The following SPG21 variants were observed in gnomAD, a reference collection of about 807,000 sequenced individuals.
SPG21 encodes the protein maspardin.
A neutral mutation model predicts 38.9 loss-of-function variants in SPG21; 26 were observed. The observed-to-expected ratio is 0.67, with a 90% CI of 0.49 to 0.93. The LOEUF is 0.93. SPG21 is among the 40% of genes least tolerant of loss of function. SPG21 has a pLI of 0.00. For synonymous variants in SPG21, 136 were observed against 128.9 expected (o/e 1.05, Z -0.37); for missense variants, 333 against 376.5 (o/e 0.88, Z 0.96).
chr15:64,980,359 C>G (rs1306469141), intron 3 of SPG21, among the ~76,000 whole-genome samples: 1 of 152,204 alleles, frequency 6.6e-6, no homozygotes, highest in Non-Finnish European at 1.5e-5. Flanking sequence ...CTCTGAATCT[C>G]TGTGTGACCG....
At chr15:64,978,869 T>A (rs575146147) in intron 3 of SPG21, among the ~76,000 whole-genome samples, 1 of 152,312 alleles carries the variant, frequency 6.6e-6, no homozygotes, top group Non-Finnish European at 1.5e-5. Flanking sequence ...AATATCAATA[T>A]CCTGGTTGTG....
chr15:64,973,780 C>T (rs994228786), intron 5 of SPG21, among the ~76,000 whole-genome samples: 1 of 152,158 alleles, frequency 6.6e-6, no homozygotes, highest in African/African-American at 2.4e-5. Context: ...TTTGGAAGAA[C>T]AGACTAATAT....
At chr15:64,975,297 AAAAAAAAGAAAAG>A (rs1165476020) in intron 4 of SPG21, among the ~76,000 whole-genome samples, 1 of 150,876 alleles carries the variant, frequency 6.6e-6, no homozygotes, top group Non-Finnish European at 1.5e-5. Context: ...TAAAAAAAAA[AAAAAAAAGAAAAG>A]AAAAAAAGAA....
In SPG21 at chr15:64,974,694, T is replaced by C. The variant is rs746913301; in HGVS notation, c.360A>G (p.Glu120=). ...GGACTCTAGGAGATTTGTGAGTGTA[T>C]TCAGCAAATTTCTGGGCCAAAAAGC... ...LGGFLAQKFA[E]YTHKSPRVHS... Residue 120 remains glutamate (E), a synonymous_variant, in exon 5 of 9, where the codon GAA becomes GAG. Transcript: ENST00000204566. 1.4e-5 allele frequency: 23 copies of C among 1,614,090 alleles called. No homozygotes were observed. The East Asian group carries it at 1.6e-4, about 11-fold the overall frequency.
Position 64,981,037 on chromosome 15 carries a change from GT to G in SPG21, c.64-13del. On this transcript the variant is annotated splice_polypyrimidine_tract_variant and intron_variant, in intron 2 of 8. Transcript: ENST00000204566. ...TCATCCACAATAATCTGGAGGGAAGGTTAAAAGAAAAAAGTGGAAAACCTTA... is the reference window on the plus strand; with the variant it reads ...TCATCCACAATAATCTGGAGGGAAGGTAAAAGAAAAAAGTGGAAAACCTTA... 1.2e-6 allele frequency: 2 copies of G among 1,613,612 alleles called. No individual in the cohort carries two copies. Among genetic ancestry groups the G allele is most frequent in the South Asian group, 2.2e-5 (2 of 91,034 alleles).
At chr15:64,973,423 C>T (rs2085710723) in intron 5 of SPG21, among the ~76,000 whole-genome samples, 1 of 152,032 alleles carries the variant, frequency 6.6e-6, no homozygotes, top group Non-Finnish European at 1.5e-5. Flanking sequence ...CCACTGGCTG[C>T]ACCCAAAGCA....
In SPG21 at chr15:64,963,454, T is replaced by C; in HGVS notation, c.*166A>G. The C allele has an allele frequency of 1.5e-6, 1 of 655,130 alleles. No individual in the cohort carries two copies. Among genetic ancestry groups the C allele is most frequent in the Middle Eastern group, 4.3e-4 (1 of 2,302 alleles). 40.6% of individuals were successfully genotyped at this position (655,130 alleles called of 1,614,324 possible). A position where few individuals can be genotyped will look rare whatever the true frequency, so the allele number is the denominator to read the frequency against. On this transcript the variant is annotated 3_prime_UTR_variant, in exon 9 of 9. Coordinates refer to ENST00000204566, the MANE Select transcript of SPG21 (RefSeq NM_016630.7). ...AGAGGGAACAGTTACACAGGCTTAG[T>C]GGAGATGCCGCCTGTCATGAAGATG... is the stretch of plus-strand genomic sequence containing the variant.
Position 64,969,270 on chromosome 15 carries a change from A to C in SPG21, c.654T>G (p.Pro218=). The C allele has an allele frequency of 6.2e-7, 1 of 1,610,672 alleles. No homozygotes were observed. Among genetic ancestry groups the C allele is most frequent in the Non-Finnish European group, 8.5e-7 (1 of 1,176,832 alleles). The change falls in exon 7 of 9, where the codon CCT becomes CCG. Residue 218 remains proline, a synonymous_variant. Coordinates refer to ENST00000204566, the MANE Select transcript of SPG21 (RefSeq NM_016630.7). ...GGAAGCTTACATCCATAATAGTTACAGGTATGTCCCGAATTTTATGAGGTT... is the reference window on the plus strand; with the variant it reads ...GGAAGCTTACATCCATAATAGTTACCGGTATGTCCCGAATTTTATGAGGTT... ...YVEPHKIRDI[P]VTIMDVFDQS... is the part of the protein sequence containing the mutation.
chr15:64,970,243 A>G, intron 5 of SPG21, 21 bp from the exon 6 acceptor site: 1 of 1,584,066 alleles, frequency 6.3e-7, no homozygotes, highest in Non-Finnish European at 8.7e-7. Context: ...CAAAGACCTT[A>G]TAATTTAAAC....
rs764783715 is a variant in SPG21, at chr15:64,963,464, G to A, written c.*156C>T. 9.0e-6 allele frequency: 6 copies of A among 668,990 alleles called. No homozygotes were observed. The highest frequency in any genetic ancestry group is 1.7e-5 in the South Asian group (1 of 58,384). The allele number at this position is 668,990 out of a possible 1,614,324, so 41.4% of individuals were successfully genotyped here. On this transcript the variant is annotated 3_prime_UTR_variant, in exon 9 of 9. Transcript: ENST00000204566. The stretch of plus-strand genomic sequence containing the variant: ...GTTACACAGGCTTAGTGGAGATGCC[G>A]CCTGTCATGAAGATGACCATCAGTC...
Position 64,963,793 on chromosome 15 carries a change from G to C in SPG21, c.811-57C>G, listed in dbSNP as rs1400168168. 2.6e-6 allele frequency: 4 copies of C among 1,525,538 alleles called. No homozygotes were observed. In the East Asian group the frequency reaches 9.1e-5, roughly 35 times the overall value. 94.5% of individuals were successfully genotyped at this position (1,525,538 alleles called of 1,614,324 possible). A position where few individuals can be genotyped will look rare whatever the true frequency, so the allele number is the denominator to read the frequency against. Reference sequence around the variant, plus strand: ...TTTTTTGAGCTGGAGTGTCACTCTTGTTGCCCAGGCTGGAGTGCAGTGGCA... The same window carrying C: ...TTTTTTGAGCTGGAGTGTCACTCTTCTTGCCCAGGCTGGAGTGCAGTGGCA... On this transcript the variant is annotated intron_variant, in intron 8 of 8. Transcript: ENST00000204566.
intron 7 of SPG21, 113 bp downstream of exon 7, chr15:64,969,142 G>C: frequency 1.3e-6 from 1 of 770,106 alleles, no homozygotes; most frequent in Non-Finnish European, 2.3e-6. Flanking sequence ...AAAAACAAAA[G>C]CCAAGGCAGC....
chr15:64,981,672 G>A (rs1042836499), intron 2 of SPG21: 1 of 150,868 alleles, frequency 6.6e-6, no homozygotes, highest in African/African-American at 2.4e-5. Context: ...GAGAGATCCT[G>A]TCTCTTAAAA....
chr15:64,965,306 A>G lies in SPG21; in HGVS notation c.810+14T>C. The G allele has an allele frequency of 6.2e-7, 1 of 1,614,168 alleles. No individual in the cohort carries two copies. The highest frequency in any genetic ancestry group is 1.1e-5 in the South Asian group (1 of 91,090). On this transcript the variant is annotated intron_variant, in intron 8 of 8. Coordinates refer to ENST00000204566, the MANE Select transcript of SPG21 (RefSeq NM_016630.7). ...TTGGGCTCAGAGTGCTCTGGGTTTCAAGCTAGGCCTTACCTGTACATAAAG... is the reference window on the plus strand; with the variant it reads ...TTGGGCTCAGAGTGCTCTGGGTTTCGAGCTAGGCCTTACCTGTACATAAAG...
At position 64,980,259 on chromosome 15, in the gene SPG21, C is replaced by T. The variant is rs1054059326; in HGVS notation, c.225+605G>A. Among the ~76,000 whole-genome samples the T allele has an allele frequency of 7.9e-5, 12 of 152,252 alleles. No individual in the cohort carries two copies. In the South Asian group the frequency reaches 2.1e-3, roughly 26 times the overall value. Reference sequence around the variant, plus strand: ...TCTTCATCTGTAAAGAAGGACAACGCTTCCTACCGCTCTGAGTTGAGAGAA... The same window carrying T: ...TCTTCATCTGTAAAGAAGGACAACGTTTCCTACCGCTCTGAGTTGAGAGAA... On this transcript the variant is annotated intron_variant, in intron 3 of 8. Coordinates refer to ENST00000204566, the MANE Select transcript of SPG21 (RefSeq NM_016630.7).
chr15:64,963,957 A>G (rs529168530), intron 8 of SPG21, among the ~76,000 whole-genome samples: 1 of 152,154 alleles, frequency 6.6e-6, no homozygotes, highest in East Asian at 1.9e-4. Flanking sequence ...GGGTTTCACC[A>G]TGTTGGCCAG....
At chr15:64,981,861 A>G (rs990725169) in intron 2 of SPG21, among the ~76,000 whole-genome samples, 3 of 152,206 alleles carry the variant, frequency 2.0e-5, no homozygotes, top group Non-Finnish European at 2.9e-5. Context: ...GCAAATCAGT[A>G]TTTATTCTAC....
At position 64,980,888 on chromosome 15, in the gene SPG21, A is replaced by G. The variant is rs146608499; in HGVS notation, c.201T>C (p.Thr67=). 2 of 1,613,864 alleles carry G rather than the reference A, an allele frequency of 1.2e-6. No individual in the cohort carries two copies. The highest frequency in any genetic ancestry group is 2.7e-5 in the African/African-American group (2 of 74,852). ...CAGCGATAACCCGGTAACCCCATCCAGTCAGAGCCAAAATCTGCCGGAAAA... is the reference window on the plus strand; with the variant it reads ...CAGCGATAACCCGGTAACCCCATCCGGTCAGAGCCAAAATCTGCCGGAAAA... ...DVFFRQILAL[T]GWGYRVIALQ... The change falls in exon 3 of 9, where the codon ACT becomes ACC. Residue 67 remains threonine, a synonymous_variant. Transcript: ENST00000204566.
At position 64,989,811 on chromosome 15, in the gene SPG21, G is replaced by A. The variant is rs1050847292; in HGVS notation, c.-171C>T. On this transcript the variant is annotated 5_prime_UTR_variant, in exon 1 of 9. Coordinates refer to ENST00000204566, the MANE Select transcript of SPG21 (RefSeq NM_016630.7). ...CCACGGGCACAGCAGGCTGCGCGGTGCGTGCGGGAGGCCGGCCTCTGAGGG... is the reference window on the plus strand; with the variant it reads ...CCACGGGCACAGCAGGCTGCGCGGTACGTGCGGGAGGCCGGCCTCTGAGGG... 6.6e-6 allele frequency: 1 copy of A among 151,676 alleles called. No homozygotes were observed. The highest frequency in any genetic ancestry group is 1.5e-5 in the Non-Finnish European group (1 of 68,082). 9.4% of individuals were successfully genotyped at this position (151,676 alleles called of 1,614,324 possible). A position where few individuals can be genotyped will look rare whatever the true frequency, so the allele number is the denominator to read the frequency against.
Sources: allele counts gnomAD v4.1 joint callset (sites outside exome capture counted in the v4.1 genomes callset), GRCh38; gene constraint gnomAD v4.1.1; transcripts MANE v1.5; gene names NCBI Gene and HGNC (gene_info 2026-07-23, HGNC 2026-07-21).